ADGRG3: variants seen among roughly 807,000 people sequenced by gnomAD.
ADGRG3 encodes the protein G protein-coupled receptor 97.
In ADGRG3, 39 loss-of-function variants were observed where a neutral mutation model predicts 54.3. The ratio of observed to expected loss-of-function variants is 0.72; its 90% CI spans 0.56 to 0.94. ADGRG3 has a LOEUF of 0.94. Ranked by LOEUF, ADGRG3 falls within the 40% of genes least tolerant of loss-of-function variation. The pLI, the probability that ADGRG3 is intolerant of heterozygous loss-of-function variation, is 0.00. For synonymous variants in ADGRG3, 312 were observed against 290.0 expected (o/e 1.08, Z -0.77); for missense variants, 654 against 694.6 (o/e 0.94, Z 0.66).
At chr16:57,666,811 ATC>A (rs1328833209), upstream of ADGRG3, among the ~76,000 whole-genome samples, 1 of 152,028 alleles carries the variant, frequency 6.6e-6, no homozygotes, top group African/African-American at 2.4e-5. Context: ...GCTGCTCGGA[ATC>A]TCAGTCTGCT....
At chr16:57,674,504 C>T (rs8051879) in intron 2 of ADGRG3, 115,848 of 429,992 alleles carry the variant, frequency 0.27, 16,771 homozygotes, top group African/African-American at 0.4. Context: ...TAAAGCCCTG[C>T]GCTCTCAGGC....
chr16:57,678,683 G>A (rs774105417), intron 4 of ADGRG3: 74 of 332,982 alleles, frequency 2.2e-4, no homozygotes, highest in Non-Finnish European at 3.7e-4. Flanking sequence ...ATATCCACAC[G>A]AGCAAGTGTA....
chr16:57,675,076 A>G (rs1359601066), intron 2 of ADGRG3, among the ~76,000 whole-genome samples: 1 of 151,122 alleles, frequency 6.6e-6, no homozygotes, highest in Non-Finnish European at 1.5e-5. Context: ...TTTTCACAGT[A>G]GCCAAAAAAA....
intron 2 of ADGRG3, 116 bp from the exon 3 acceptor site, chr16:57,676,084 T>A: frequency 1.1e-6 from 1 of 945,124 alleles, no homozygotes; most frequent in Non-Finnish European, 1.6e-6. Flanking sequence ...CCTCCTGTCC[T>A]GATCCCAGGG....
intron 2 of ADGRG3, among the ~76,000 whole-genome samples, chr16:57,675,043 T>A (rs1597759359): frequency 6.9e-6 from 1 of 145,638 alleles, no homozygotes; most frequent in East Asian, 2.0e-4. Flanking sequence ...CAGCATCTTG[T>A]ACGTGAATAT....
At chr16:57,666,738 C>T (rs2048067595), upstream of ADGRG3, among the ~76,000 whole-genome samples, 1 of 152,194 alleles carries the variant, frequency 6.6e-6, no homozygotes, top group African/African-American at 2.4e-5. Context: ...AAAGGTGGCC[C>T]TCCTTCCAGC....
At chr16:57,678,078 C>T (rs2048294959) in intron 3 of ADGRG3, 92 bp from the exon 4 acceptor site, 1 of 1,510,296 alleles carries the variant, frequency 6.6e-7, no homozygotes, top group Non-Finnish European at 9.1e-7. Context: ...GCCCCCTACC[C>T]AGTGTGCCTG....
chr16:57,685,495 G>A (rs954071376), intron 10 of ADGRG3, 148 bp from the exon 11 acceptor site: 6 of 714,856 alleles, frequency 8.4e-6, no homozygotes, highest in East Asian at 5.2e-5. Context: ...GCCAGGTGAC[G>A]GCCCCTCCCA....
rs763923290 is a variant in ADGRG3, at chr16:57,688,518, G to A, written c.*57G>A. The A allele has an allele frequency of 1.2e-5, 12 of 978,342 alleles. No homozygotes were observed. The highest frequency in any genetic ancestry group is 1.6e-5 in the African/African-American group (1 of 62,608). 60.6% of individuals were successfully genotyped at this position (978,342 alleles called of 1,614,324 possible). ...CTGGCTCTCTGTGTGACCTTGGGCA[G>A]CTCCGTGCCTCTCTCTGTACTCCCT... On this transcript the variant is annotated 3_prime_UTR_variant, in exon 12 of 12. Transcript: ENST00000333493.
chr16:57,688,855 C>T lies in ADGRG3; in HGVS notation c.*394C>T, dbSNP rs1295603446. ...CTCCTCCTCCTTGTCACTGGCCTCC[C>T]ACAACTCCCCTTCTGGCTGCCTGTA... On this transcript the variant is annotated 3_prime_UTR_variant, in exon 12 of 12. Coordinates refer to ENST00000333493, the MANE Select transcript of ADGRG3 (RefSeq NM_170776.5). 1 of 171,138 alleles carries T rather than the reference C, an allele frequency of 5.8e-6. No homozygotes were observed. Among genetic ancestry groups the T allele is most frequent in the African/African-American group, 2.4e-5 (1 of 42,212 alleles). The allele number at this position is 171,138 out of a possible 1,614,324, so 10.6% of individuals were successfully genotyped here. A position where few individuals can be genotyped will look rare whatever the true frequency, so the allele number is the denominator to read the frequency against.
At chr16:57,668,571 T>C (rs938855668) in intron 1 of ADGRG3, among the ~76,000 whole-genome samples, 166 bp downstream of exon 1, 16 of 152,204 alleles carry the variant, frequency 1.1e-4, no homozygotes, top group African/African-American at 3.9e-4. Context: ...TCTCTAGCCC[T>C]GTCCCTTTGG....
At chr16:57,681,908 T>C (rs1172562629) in intron 8 of ADGRG3, among the ~76,000 whole-genome samples, 1 of 152,168 alleles carries the variant, frequency 6.6e-6, no homozygotes, top group African/African-American at 2.4e-5. Flanking sequence ...TGCATGTCTG[T>C]GTATATCAGC....
At chr16:57,668,446 C>T (rs547316738) in intron 1 of ADGRG3, 41 bp downstream of exon 1, 132 of 1,512,114 alleles carry the variant, frequency 8.7e-5, no homozygotes, top group Non-Finnish European at 1.0e-4. Context: ...CACGCTGGGC[C>T]GACCCTGCCC....
chr16:57,676,126 C>T lies in ADGRG3; in HGVS notation c.207-74C>T, dbSNP rs1369152657. Reference sequence around the variant, plus strand: ...CTTTGATAGTTTGGGTCAGCCCTCTCACCCCAGGAGCCTGATGAGTGAGTA... The same window carrying T: ...CTTTGATAGTTTGGGTCAGCCCTCTTACCCCAGGAGCCTGATGAGTGAGTA... On this transcript the variant is annotated intron_variant, in intron 2 of 11. Coordinates refer to ENST00000333493, the MANE Select transcript of ADGRG3 (RefSeq NM_170776.5). 3.5e-6 allele frequency: 5 copies of T among 1,429,120 alleles called. No homozygotes were observed. In the African/African-American group the frequency reaches 5.6e-5, roughly 16 times the overall value. 88.5% of individuals were successfully genotyped at this position (1,429,120 alleles called of 1,614,324 possible). A position where few individuals can be genotyped will look rare whatever the true frequency, so the allele number is the denominator to read the frequency against.
At chr16:57,678,126 T>G (rs2048295694) in intron 3 of ADGRG3, 44 bp from the exon 4 acceptor site, 2 of 1,601,546 alleles carry the variant, frequency 1.2e-6, no homozygotes, top group Non-Finnish European at 1.7e-6. Flanking sequence ...GGACTCGTGT[T>G]GGGGGGTGGG....
intron 1 of ADGRG3, among the ~76,000 whole-genome samples, chr16:57,668,999 A>C (rs1397953337): frequency 2.0e-5 from 3 of 152,208 alleles, no homozygotes; most frequent in African/African-American, 7.2e-5. Context: ...AGGCCATGGA[A>C]GTGCCCGGGC....
chr16:57,668,327 C>T lies in ADGRG3; in HGVS notation c.-21C>T, dbSNP rs779936464. The T allele has an allele frequency of 1.8e-5, 28 of 1,556,724 alleles. No homozygotes were observed. Among genetic ancestry groups the T allele is most frequent in the East Asian group, 1.2e-4 (5 of 43,038 alleles). ...GGCCAGACAGCCACAGAGCTCCTGG[C>T]GTGGGCAAGGCTGGCCAAGGATGGC... On this transcript the variant is annotated 5_prime_UTR_variant, in exon 1 of 12. Coordinates refer to ENST00000333493, the MANE Select transcript of ADGRG3 (RefSeq NM_170776.5).
chr16:57,666,450 G>A (rs140075852), upstream of ADGRG3, among the ~76,000 whole-genome samples: 7 of 152,308 alleles, frequency 4.6e-5, no homozygotes, highest in African/African-American at 7.2e-5. Flanking sequence ...CAGTGGGATC[G>A]CCCTTTCTGC....
intron 8 of ADGRG3, 121 bp downstream of exon 8, chr16:57,680,738 C>A (rs1597772957): frequency 2.9e-6 from 2 of 680,210 alleles, no homozygotes; most frequent in East Asian, 2.7e-5. Flanking sequence ...ACGTTAGTGT[C>A]CTCATCCCAA....
Sources: allele counts gnomAD v4.1 joint callset (sites outside exome capture counted in the v4.1 genomes callset), GRCh38; gene constraint gnomAD v4.1.1; transcripts MANE v1.5; gene names NCBI Gene and HGNC (gene_info 2026-07-23, HGNC 2026-07-21).